Variants in TNFSF4 observed in about 807,000 individuals in gnomAD.
TNFSF4 encodes the protein TNF superfamily member 4, also known as tumor necrosis factor ligand superfamily member 4.
A neutral mutation model predicts 7.3 loss-of-function variants in TNFSF4; 4 were observed. That is an observed-to-expected ratio of 0.55 (90% CI 0.27 to 1.25). The LOEUF is 1.25. Ranked by LOEUF, TNFSF4 falls within the 50% of genes most tolerant of loss-of-function variation. The pLI is 0.12. For synonymous variants in TNFSF4, 76 were observed against 83.7 expected (o/e 0.91, Z 0.50); for missense variants, 181 against 208.8 (o/e 0.87, Z 0.82).
chr1:173,223,191 A>G, the TNFSF4 span, among the ~76,000 whole-genome samples: 1 of 151,676 alleles, frequency 6.6e-6, no homozygotes, highest in Non-Finnish European at 1.5e-5. Context: ...AATGACTGTA[A>G]CTAGTACCTC....
chr1:173,364,278 C>G, the TNFSF4 span, among the ~76,000 whole-genome samples: 1 of 142,266 alleles, frequency 7.0e-6, no homozygotes, highest in Non-Finnish European at 1.5e-5. Context: ...ACATATTGTT[C>G]AAAAAAATAA....
chr1:173,234,158 A>T, the TNFSF4 span, among the ~76,000 whole-genome samples: 3 of 152,374 alleles, frequency 2.0e-5, no homozygotes, highest in East Asian at 5.8e-4. Flanking sequence ...GAAACTTCTC[A>T]AAAGAAGACA....
chr1:173,352,664 T>C, the TNFSF4 span, among the ~76,000 whole-genome samples: 1 of 152,224 alleles, frequency 6.6e-6, no homozygotes, highest in African/African-American at 2.4e-5. Context: ...CTAGAATTAC[T>C]AATGAAGTTC....
At chr1:173,367,920 G>A in the TNFSF4 span, among the ~76,000 whole-genome samples, 1 of 152,206 alleles carries the variant, frequency 6.6e-6, no homozygotes, top group Non-Finnish European at 1.5e-5. Flanking sequence ...GAACTTTTCT[G>A]TCTTACAAGA....
At chr1:173,203,019 C>A (rs4916314) in intron 1 of TNFSF4, among the ~76,000 whole-genome samples, 22,692 of 152,130 alleles carry the variant, frequency 0.15, 2,136 homozygotes, top group Middle Eastern at 0.26. Flanking sequence ...TTTGTCCCCA[C>A]CCTGCATCTT....
the TNFSF4 span, among the ~76,000 whole-genome samples, chr1:173,212,565 T>C: frequency 6.8e-6 from 1 of 147,512 alleles, no homozygotes; most frequent in Non-Finnish European, 1.5e-5. Flanking sequence ...GAGGTGGGGA[T>C]GGTTAGTGGG....
At chr1:173,351,286 C>T in the TNFSF4 span, among the ~76,000 whole-genome samples, 1 of 152,188 alleles carries the variant, frequency 6.6e-6, no homozygotes, top group African/African-American at 2.4e-5. Context: ...TAGCCAATTG[C>T]TACCCATCAT....
chr1:173,188,650 A>T, intron 1 of TNFSF4, 81 bp from the exon 2 acceptor site: 1 of 1,190,704 alleles, frequency 8.4e-7, no homozygotes, highest in Non-Finnish European at 1.2e-6. Flanking sequence ...TGGAACAGTG[A>T]AGCAGAAATG....
At chr1:173,394,980 G>A in the TNFSF4 span, among the ~76,000 whole-genome samples, 328 of 139,882 alleles carry the variant, frequency 2.3e-3, 6 homozygotes, top group African/African-American at 9.5e-3. Flanking sequence ...ATAGATAATA[G>A]AGGACACATA....
At chr1:173,183,403 A>C (rs986573883), downstream of TNFSF4, among the ~76,000 whole-genome samples, 20 of 152,202 alleles carry the variant, frequency 1.3e-4, no homozygotes, top group African/African-American at 4.8e-4. Flanking sequence ...CAGCAGATGT[A>C]ATTACCACTT....
upstream of TNFSF4, among the ~76,000 whole-genome samples, chr1:173,209,040 G>A (rs1011404434): frequency 1.3e-5 from 2 of 151,998 alleles, no homozygotes; most frequent in Non-Finnish European, 2.9e-5. Context: ...TCATGGCTCC[G>A]AGAAAGAAAA....
the TNFSF4 span, among the ~76,000 whole-genome samples, chr1:173,264,970 C>G: frequency 1.3e-5 from 2 of 152,168 alleles, no homozygotes; most frequent in Admixed American, 6.5e-5. Context: ...CATCACAACA[C>G]AAGGCAAAAT....
chr1:173,395,075 A>AGC, the TNFSF4 span, among the ~76,000 whole-genome samples: 9 of 150,228 alleles, frequency 6.0e-5, no homozygotes, highest in South Asian at 2.1e-4. Flanking sequence ...AGATAGATAG[A>AGC]TAGCTATAAA....
chr1:173,177,415 G>A, the TNFSF4 span, among the ~76,000 whole-genome samples: 1 of 152,018 alleles, frequency 6.6e-6, no homozygotes, highest in East Asian at 1.9e-4. Flanking sequence ...ACACAAAGAA[G>A]GAAACAACAG....
the TNFSF4 span, among the ~76,000 whole-genome samples, chr1:173,444,815 A>G: frequency 6.6e-6 from 1 of 152,216 alleles, no homozygotes; most frequent in Non-Finnish European, 1.5e-5. Flanking sequence ...TTGCTTATGA[A>G]GAGCATACAA....
intron 1 of TNFSF4, chr1:173,205,279 T>A (rs1208473977): frequency 1.2e-6 from 2 of 1,611,014 alleles, no homozygotes; most frequent in Non-Finnish European, 8.5e-7. Context: ...GCCAGGACTA[T>A]AGAAGCTAAT....
chr1:173,325,074 C>A, the TNFSF4 span, among the ~76,000 whole-genome samples: 2 of 152,140 alleles, frequency 1.3e-5, no homozygotes, highest in African/African-American at 4.8e-5. Flanking sequence ...CTTTTCAGCA[C>A]CACACCACAC....
At chr1:173,348,972 G>A in the TNFSF4 span, among the ~76,000 whole-genome samples, 1 of 152,166 alleles carries the variant, frequency 6.6e-6, no homozygotes, top group Non-Finnish European at 1.5e-5. Flanking sequence ...ACGGTGAGCA[G>A]TGAAAAATCT....
At chr1:173,297,649 C>A in the TNFSF4 span, among the ~76,000 whole-genome samples, 1 of 151,832 alleles carries the variant, frequency 6.6e-6, no homozygotes. Context: ...GAGGAGGCTG[C>A]AGGAGAGAAT....
Sources: gnomAD v4.1 joint callset for allele counts (sites outside exome capture counted in the v4.1 genomes callset) on GRCh38, gnomAD v4.1.1 for gene constraint, MANE v1.5 for transcripts, NCBI Gene and HGNC (gene_info 2026-07-23, HGNC 2026-07-21) for gene names.